The following GEMIN5 variants were observed in gnomAD, a reference collection of about 807,000 sequenced individuals.
The protein encoded by GEMIN5 is gem nuclear organelle associated protein 5, also known as gem-associated protein 5.
Under a neutral mutation model 176.9 loss-of-function variants are expected in GEMIN5, and 124 were observed. The observed-to-expected ratio is 0.70, with a 90% CI of 0.61 to 0.81. The LOEUF (loss-of-function observed/expected upper bound fraction) is 0.81, where lower values mean the gene tolerates loss of function less well. Among genes scored for constraint, GEMIN5 ranks in the 40% least tolerant of loss-of-function variants. The pLI, the probability that GEMIN5 is intolerant of heterozygous loss-of-function variation, is 0.00. For synonymous variants in GEMIN5, 673 were observed against 665.2 expected (o/e 1.01, Z -0.18); for missense variants, 1,843 against 1,814.6 (o/e 1.02, Z -0.28).
At chr5:154,915,371 A>C (rs1295672628) in intron 13 of GEMIN5, among the ~76,000 whole-genome samples, 1 of 152,172 alleles carries the variant, frequency 6.6e-6, no homozygotes, top group African/African-American at 2.4e-5. Flanking sequence ...GTCAGATTAT[A>C]ATTTCTTCAT....
intron 22 of GEMIN5, 120 bp downstream of exon 22, chr5:154,899,070 CT>C: frequency 1.0e-6 from 1 of 957,706 alleles, no homozygotes; most frequent in Non-Finnish European, 1.6e-6. Flanking sequence ...ATATACATAT[CT>C]TTTAAATAAT....
chr5:154,899,553 C>T (rs976643391), intron 21 of GEMIN5, among the ~76,000 whole-genome samples: 1 of 151,894 alleles, frequency 6.6e-6, no homozygotes, highest in Non-Finnish European at 1.5e-5. Context: ...AAGAACCTTT[C>T]AGAGGGTTCA....
rs772264790 is a variant in GEMIN5, at chr5:154,927,408, G to A, written c.1057C>T (p.Leu353Phe). ...ACATCTCTATCCATTGATGTAGAAA[G>A]TAATAGCTGTTTGTCATCCTCTGTT... ...LQTEDDKQLL[L>F]STSMDRDVKC... Residue 353 changes from leucine to phenylalanine, a missense_variant, in exon 7 of 28, where the codon CTT becomes TTT. Transcript: ENST00000285873. 1 of 1,580,624 alleles carries A rather than the reference G, an allele frequency of 6.3e-7. No individual in the cohort carries two copies. Among genetic ancestry groups the A allele is most frequent in the East Asian group, 2.2e-5 (1 of 44,670 alleles).
intron 15 of GEMIN5, among the ~76,000 whole-genome samples, chr5:154,910,847 C>G (rs944316711): frequency 2.0e-5 from 3 of 152,120 alleles, no homozygotes; most frequent in Non-Finnish European, 4.4e-5. Flanking sequence ...TACAGGCACC[C>G]GCCAACACGC....
chr5:154,922,900 G>A (rs1213387067), intron 9 of GEMIN5, among the ~76,000 whole-genome samples: 1 of 151,834 alleles, frequency 6.6e-6, no homozygotes, highest in East Asian at 2.0e-4. Context: ...CTTTCACCGT[G>A]TTAGCCAGGA....
chr5:154,896,381 G>A (rs771715199), intron 23 of GEMIN5, 38 bp from the exon 24 acceptor site: 3 of 1,523,824 alleles, frequency 2.0e-6, no homozygotes, highest in Non-Finnish European at 2.6e-6. Flanking sequence ...CTGTTATACA[G>A]GGAAAGCACT....
chr5:154,933,587 A>G (rs541794228), intron 3 of GEMIN5, among the ~76,000 whole-genome samples: 61 of 152,364 alleles, frequency 4.0e-4, no homozygotes, highest in Non-Finnish European at 5.9e-4. Flanking sequence ...TTTTTATTAG[A>G]AAGTACAAAA....
At chr5:154,928,401 A>T (rs1162632882) in intron 6 of GEMIN5, 126 bp downstream of exon 6, 1 of 797,504 alleles carries the variant, frequency 1.3e-6, no homozygotes, top group Admixed American at 2.2e-5. Flanking sequence ...TAGTCTCATA[A>T]TTTTTCCATT....
chr5:154,900,212 T>C (rs1763435893), intron 21 of GEMIN5, among the ~76,000 whole-genome samples: 1 of 152,242 alleles, frequency 6.6e-6, no homozygotes, highest in African/African-American at 2.4e-5. Context: ...TATAATAAGA[T>C]ATGTTAACAT....
At chr5:154,889,043 A>G (rs949566989) in intron 27 of GEMIN5, among the ~76,000 whole-genome samples, 1 of 151,826 alleles carries the variant, frequency 6.6e-6, no homozygotes, top group Non-Finnish European at 1.5e-5. Flanking sequence ...CGCCCGGCTA[A>G]TATTTTGTAT....
At chr5:154,919,313 C>CAGAGTG (rs1384189134) in intron 11 of GEMIN5, among the ~76,000 whole-genome samples, 1 of 152,014 alleles carries the variant, frequency 6.6e-6, no homozygotes, top group African/African-American at 2.4e-5. Context: ...GCCTGAGTGA[C>CAGAGTG]AGAGTGAGAC....
At chr5:154,908,460 C>T (rs1389899849) in intron 15 of GEMIN5, among the ~76,000 whole-genome samples, 1 of 152,136 alleles carries the variant, frequency 6.6e-6, no homozygotes, top group Non-Finnish European at 1.5e-5. Flanking sequence ...GGATTACAGG[C>T]ATGAGCCACC....
intron 7 of GEMIN5, among the ~76,000 whole-genome samples, chr5:154,926,693 A>G (rs1764044553): frequency 6.6e-6 from 1 of 152,190 alleles, no homozygotes; most frequent in Non-Finnish European, 1.5e-5. Context: ...GGGGTGTCCA[A>G]TCTTTTGGCT....
intron 21 of GEMIN5, among the ~76,000 whole-genome samples, chr5:154,900,797 T>C (rs868512486): frequency 4.1e-4 from 63 of 152,180 alleles, no homozygotes; most frequent in Admixed American, 3.3e-4. Context: ...GCTGAACAAT[T>C]CCCAGAGCTT....
intron 3 of GEMIN5, among the ~76,000 whole-genome samples, chr5:154,934,042 G>GTC (rs1437200885): frequency 6.6e-6 from 1 of 151,920 alleles, no homozygotes; most frequent in Non-Finnish European, 1.5e-5. Context: ...TTGAGATAGA[G>GTC]TCTTGCTCTG....
At chr5:154,905,701 T>TG (rs1763554517) in intron 16 of GEMIN5, among the ~76,000 whole-genome samples, 1 of 109,032 alleles carries the variant, frequency 9.2e-6, no homozygotes, top group Admixed American at 1.0e-4. Flanking sequence ...ATTACTTTGG[T>TG]TTTTTTTTTT....
chr5:154,928,617 C>G lies in GEMIN5; in HGVS notation c.824G>C (p.Gly275Ala), dbSNP rs766746339. Residue 275 changes from glycine to alanine, a missense_variant, in exon 6 of 28, where the codon GGG (glycine) becomes GCG (alanine). Physicochemically the swap from Gly to Ala is moderately conservative, Grantham distance 60. Transcript: ENST00000285873. ...LKLPFLKRRG[G>A]GIDPTVKERL... ...CTCTTTAACAGTTGGGTCTATACCC[C>G]CTCCTCTTCTCTTCAGAAAGGGCAA... 3.2e-5 allele frequency: 51 copies of G among 1,613,590 alleles called. No individual in the cohort carries two copies. In the South Asian group the frequency reaches 4.9e-4, roughly 16 times the overall value.
At chr5:154,913,124 C>T (rs1763737992) in intron 13 of GEMIN5, 86 bp from the exon 14 acceptor site, 2 of 1,127,200 alleles carry the variant, frequency 1.8e-6, no homozygotes, top group East Asian at 2.5e-5. Context: ...ATTCACATGA[C>T]AAGAATCAAG....
chr5:154,920,501 T>C (rs1350410740), intron 10 of GEMIN5, among the ~76,000 whole-genome samples: 2 of 152,228 alleles, frequency 1.3e-5, no homozygotes, highest in Non-Finnish European at 2.9e-5. Context: ...CTATGTCTTA[T>C]AACAAAGAGA....
Sources: allele counts gnomAD v4.1 joint callset (sites outside exome capture counted in the v4.1 genomes callset), GRCh38; gene constraint gnomAD v4.1.1; transcripts MANE v1.5; gene names NCBI Gene and HGNC (gene_info 2026-07-23, HGNC 2026-07-21).